Variants in RABGAP1L observed in about 807,000 individuals in gnomAD.
RABGAP1L encodes RAB GTPase activating protein 1 like, also known as rab GTPase-activating protein 1-like.
RABGAP1L carries 63 observed loss-of-function variants against 137.7 expected under a neutral mutation model. That is an observed-to-expected ratio of 0.46 (90% CI 0.37 to 0.56). The LOEUF (loss-of-function observed/expected upper bound fraction) is 0.56. Ranked by LOEUF, RABGAP1L falls within the 20% of genes least tolerant of loss-of-function variation. RABGAP1L has a pLI of 0.00. For missense variants in RABGAP1L, 1,095 were observed against 1,244.0 expected, an observed-to-expected ratio of 0.88 and a Z score of 1.80; for synonymous variants, 431 against 433.7, an observed-to-expected ratio of 0.99 and a Z score of 0.08.
intron 13 of RABGAP1L, among the ~76,000 whole-genome samples, chr1:174,634,934 G>C (rs372364313): frequency 6.8e-6 from 1 of 146,634 alleles, no homozygotes; most frequent in Non-Finnish European, 1.5e-5. Context: ...CCTAATGCTA[G>C]ATGACGAGTT....
intron 19 of RABGAP1L, among the ~76,000 whole-genome samples, chr1:174,839,028 C>CGT (rs71726767): frequency 0.1 from 13,084 of 130,022 alleles, 1,531 homozygotes; most frequent in African/African-American, 0.29. Flanking sequence ...AACTTTTTTA[C>CGT]GTGTGTGTGT....
intron 11 of RABGAP1L, among the ~76,000 whole-genome samples, chr1:174,356,910 A>G (rs1315829110): frequency 6.6e-6 from 1 of 152,170 alleles, no homozygotes. Flanking sequence ...ATATATTTTC[A>G]TTTAATTTTT....
At chr1:174,919,265 G>A (rs911925582) in intron 19 of RABGAP1L, among the ~76,000 whole-genome samples, 1 of 152,046 alleles carries the variant, frequency 6.6e-6, no homozygotes, top group Non-Finnish European at 1.5e-5. Context: ...CGATCCGCCC[G>A]CCTTGACCTC....
chr1:174,607,856 G>T (rs1192664275), intron 13 of RABGAP1L, among the ~76,000 whole-genome samples: 2 of 152,152 alleles, frequency 1.3e-5, no homozygotes, highest in Non-Finnish European at 2.9e-5. Flanking sequence ...AGCTTCTTTG[G>T]TTATTCTTTC....
intron 14 of RABGAP1L, among the ~76,000 whole-genome samples, chr1:174,647,332 T>C (rs191263280): frequency 1.4e-3 from 219 of 152,274 alleles, no homozygotes; most frequent in Admixed American, 0.011. Context: ...CAGTATGATA[T>C]TGGCTGTGGG....
chr1:174,373,816 G>A (rs1685298570), intron 12 of RABGAP1L, among the ~76,000 whole-genome samples: 1 of 152,174 alleles, frequency 6.6e-6, no homozygotes, highest in Admixed American at 6.5e-5. Context: ...AAGGGAGTTT[G>A]GGATATGTAG....
At chr1:174,663,771 C>G (rs1676561903) in intron 14 of RABGAP1L, among the ~76,000 whole-genome samples, 1 of 152,188 alleles carries the variant, frequency 6.6e-6, no homozygotes, top group Non-Finnish European at 1.5e-5. Flanking sequence ...CTGATGCACA[C>G]ATTTCAAGTT....
chr1:174,413,911 C>T (rs1328336677), intron 13 of RABGAP1L, among the ~76,000 whole-genome samples: 3 of 149,778 alleles, frequency 2.0e-5, no homozygotes, highest in Non-Finnish European at 4.4e-5. Context: ...AGTGGTCGAG[C>T]TCCCTGCTTA....
chr1:174,905,731 A>G (rs1410801496), intron 19 of RABGAP1L, among the ~76,000 whole-genome samples: 1 of 152,100 alleles, frequency 6.6e-6, no homozygotes, highest in East Asian at 1.9e-4. Context: ...GGTGCCTGAA[A>G]TCCCAGCTAC....
chr1:174,891,112 C>T (rs1656068613), intron 19 of RABGAP1L, among the ~76,000 whole-genome samples: 2 of 152,062 alleles, frequency 1.3e-5, no homozygotes. Context: ...TATATCTGTG[C>T]CTATTTAAAG....
intron 13 of RABGAP1L, among the ~76,000 whole-genome samples, chr1:174,570,704 A>C (rs1667910251): frequency 6.6e-6 from 1 of 152,136 alleles, no homozygotes; most frequent in South Asian, 2.1e-4. Flanking sequence ...ATAAAAAGAC[A>C]AAAAAACTAT....
intron 13 of RABGAP1L, among the ~76,000 whole-genome samples, chr1:174,602,384 C>G (rs1191629056): frequency 6.6e-6 from 1 of 152,128 alleles, no homozygotes; most frequent in Admixed American, 6.5e-5. Flanking sequence ...GACTTATTCA[C>G]TACACCAGAA....
intron 12 of RABGAP1L, among the ~76,000 whole-genome samples, chr1:174,376,675 A>C (rs1487270700): frequency 6.6e-6 from 1 of 152,190 alleles, no homozygotes; most frequent in Non-Finnish European, 1.5e-5. Context: ...AAAAAACAAA[A>C]AAACCTCTGA....
intron 11 of RABGAP1L, among the ~76,000 whole-genome samples, chr1:174,349,237 T>C (rs1340427805): frequency 2.6e-3 from 70 of 27,274 alleles, no homozygotes; most frequent in South Asian, 4.0e-3. Flanking sequence ...GGCTGACCCC[T>C]CCCACCTCCC....
chr1:174,318,580 T>TTTTCTC (rs1553272542), intron 11 of RABGAP1L, among the ~76,000 whole-genome samples: 1 of 117,550 alleles, frequency 8.5e-6, no homozygotes, highest in Non-Finnish European at 1.8e-5. Flanking sequence ...TTGGTGATTG[T>TTTTCTC]TTTCTTTCTT....
At chr1:174,304,936 T>A (rs1200496467) in intron 10 of RABGAP1L, 50 bp from the exon 11 acceptor site, 1 of 1,425,306 alleles carries the variant, frequency 7.0e-7, no homozygotes, top group Admixed American at 2.6e-5. Context: ...TATCTTTCAA[T>A]GTTTCCTTCA....
chr1:174,870,609 T>C (rs946602425), intron 19 of RABGAP1L, among the ~76,000 whole-genome samples: 1 of 152,236 alleles, frequency 6.6e-6, no homozygotes, highest in African/African-American at 2.4e-5. Context: ...AACTTCTCCA[T>C]ATTTTAATTA....
chr1:174,874,292 A>T (rs897369649), intron 19 of RABGAP1L: 3 of 157,308 alleles, frequency 1.9e-5, no homozygotes, highest in African/African-American at 7.3e-5. Context: ...TAGGAATAGG[A>T]CACATTGCTT....
chr1:174,547,316 T>G (rs1666099694), intron 13 of RABGAP1L, among the ~76,000 whole-genome samples: 2 of 151,968 alleles, frequency 1.3e-5, no homozygotes, highest in African/African-American at 4.8e-5. Context: ...GGTAGAGAGC[T>G]GATGAAAAGA....
Sources: allele counts gnomAD v4.1 joint callset (sites outside exome capture counted in the v4.1 genomes callset), GRCh38; gene constraint gnomAD v4.1.1; transcripts MANE v1.5; gene names NCBI Gene and HGNC (gene_info 2026-07-23, HGNC 2026-07-21).